Variants in SLC13A1 observed in about 807,000 individuals in gnomAD.
SLC13A1 encodes Na(+)/sulfate cotransporter.
SLC13A1 carries 65 observed loss-of-function variants against 70.0 expected under a neutral mutation model. The ratio of observed to expected loss-of-function variants is 0.93; its 90% CI spans 0.76 to 1.14. SLC13A1 has a LOEUF of 1.14. SLC13A1 is among the 50% of genes most tolerant of loss of function. SLC13A1 has a pLI of 0.00. For missense variants in SLC13A1, 726 were observed against 717.8 expected, an observed-to-expected ratio of 1.01 and a Z score of -0.13; for synonymous variants, 275 against 250.5, an observed-to-expected ratio of 1.10 and a Z score of -0.92.
chr7:123,171,639 G>A lies in SLC13A1; in HGVS notation c.365+129C>T, dbSNP rs1032449766. The A allele has an allele frequency of 5.1e-6, 5 of 973,636 alleles. No individual in the cohort carries two copies. In the South Asian group the frequency reaches 7.1e-5, roughly 14 times the overall value. 60.3% of individuals were successfully genotyped at this position (973,636 alleles called of 1,614,324 possible). On this transcript the variant is annotated intron_variant, in intron 3 of 14. Coordinates refer to ENST00000194130, the MANE Select transcript of SLC13A1 (RefSeq NM_022444.4). ...TTATATCACTTTCATATTTGCAGAG[G>A]AAAAAACGTCATAAGTCAGACTGTG... is the stretch of plus-strand genomic sequence containing the variant.
intron 12 of SLC13A1, 132 bp downstream of exon 12, chr7:123,122,994 C>G: frequency 2.9e-6 from 2 of 681,156 alleles, no homozygotes; most frequent in Non-Finnish European, 2.7e-6. Context: ...GGTATATTCA[C>G]TGCATAGCTA....
chr7:123,164,563 C>CAA (rs559113734), intron 6 of SLC13A1, among the ~76,000 whole-genome samples: 1,852 of 147,844 alleles, frequency 0.013, 25 homozygotes, highest in East Asian at 0.027. Context: ...TGCAGATTAC[C>CAA]AAAAAAAAAG....
intron 6 of SLC13A1, among the ~76,000 whole-genome samples, chr7:123,162,143 A>G (rs1215775478): frequency 6.6e-6 from 1 of 151,992 alleles, no homozygotes; most frequent in East Asian, 1.9e-4. Flanking sequence ...GGCTTATTGT[A>G]CAGTTAAAGT....
At chr7:123,190,830 G>GT (rs1004303310) in intron 1 of SLC13A1, among the ~76,000 whole-genome samples, 2 of 152,018 alleles carry the variant, frequency 1.3e-5, no homozygotes, top group Non-Finnish European at 2.9e-5. Flanking sequence ...GATTTTGTTT[G>GT]TTTTTTTAAT....
intron 1 of SLC13A1, among the ~76,000 whole-genome samples, chr7:123,189,698 T>C (rs1359986993): frequency 6.6e-6 from 1 of 152,084 alleles, no homozygotes; most frequent in Non-Finnish European, 1.5e-5. Flanking sequence ...TAATGTTTTG[T>C]AGATTTCTCC....
At chr7:123,185,596 G>A (rs1795772079) in intron 1 of SLC13A1, among the ~76,000 whole-genome samples, 1 of 152,038 alleles carries the variant, frequency 6.6e-6, no homozygotes. Flanking sequence ...GGCTGTAAAT[G>A]TAGAGAATTA....
At chr7:123,167,147 G>A (rs1428015804) in intron 6 of SLC13A1, among the ~76,000 whole-genome samples, 1 of 152,098 alleles carries the variant, frequency 6.6e-6, no homozygotes, top group Non-Finnish European at 1.5e-5. Context: ...GATTCCTCAG[G>A]GATCTAGAAC....
intron 1 of SLC13A1, among the ~76,000 whole-genome samples, chr7:123,199,397 C>CA (rs930329417): frequency 8.5e-5 from 13 of 152,064 alleles, no homozygotes; most frequent in Non-Finnish European, 1.3e-4. Flanking sequence ...AGTTCTGTGA[C>CA]AAAGCCACAG....
chr7:123,186,584 A>T, intron 1 of SLC13A1: 1 of 341,968 alleles, frequency 2.9e-6, no homozygotes. Flanking sequence ...CCACCATTAC[A>T]CACAATCACT....
intron 6 of SLC13A1, among the ~76,000 whole-genome samples, chr7:123,160,379 T>G (rs1794850715): frequency 6.6e-6 from 1 of 151,306 alleles, no homozygotes; most frequent in Non-Finnish European, 1.5e-5. Context: ...TGATAAAAGG[T>G]TAATCAATCA....
At chr7:123,123,495 C>T (rs1398137990) in intron 11 of SLC13A1, among the ~76,000 whole-genome samples, 3 of 152,056 alleles carry the variant, frequency 2.0e-5, no homozygotes. Flanking sequence ...ATAACATTGT[C>T]ACTTATAATG....
In SLC13A1 at chr7:123,148,368, A is replaced by T. The variant is rs758246963; in HGVS notation, c.661-1058T>A. 4.8e-4 allele frequency: 165 copies of T among 345,798 alleles called. No homozygotes were observed. The Middle Eastern group carries it at 6.9e-3, about 14-fold the overall frequency. 21.4% of individuals were successfully genotyped at this position (345,798 alleles called of 1,614,324 possible). Reference sequence around the variant, plus strand: ...TTTTATCTCATTTCCAACGATTTTCAGTTCTCCACCTCAGTCACCCCACCC... The same window carrying T: ...TTTTATCTCATTTCCAACGATTTTCTGTTCTCCACCTCAGTCACCCCACCC... On this transcript the variant is annotated intron_variant, in intron 6 of 14. Transcript: ENST00000194130.
At chr7:123,147,074 T>C in intron 7 of SLC13A1, 85 bp downstream of exon 7, 1 of 1,373,942 alleles carries the variant, frequency 7.3e-7, no homozygotes, top group Non-Finnish European at 9.9e-7. Context: ...TCTCTGTACT[T>C]GAATTCTCTG....
Position 123,114,333 on chromosome 7 carries a change from C to T in SLC13A1, c.*1185G>A, listed in dbSNP as rs975145873. ...GTGTATGTGATATTTTGCTACCTGT[C>T]TACAATGTGTAATTGTCACATCAGG... On this transcript the variant is annotated 3_prime_UTR_variant, in exon 15 of 15. Coordinates refer to ENST00000194130, the MANE Select transcript of SLC13A1 (RefSeq NM_022444.4). 2 of 152,032 alleles carry T rather than the reference C, an allele frequency of 1.3e-5. No homozygotes were observed. Among genetic ancestry groups the T allele is most frequent in the East Asian group, 3.9e-4 (2 of 5,192 alleles). 9.4% of individuals were successfully genotyped at this position (152,032 alleles called of 1,614,324 possible). A position where few individuals can be genotyped will look rare whatever the true frequency, so the allele number is the denominator to read the frequency against.
At chr7:123,174,418 G>T (rs1188910445) in intron 2 of SLC13A1, among the ~76,000 whole-genome samples, 1 of 151,986 alleles carries the variant, frequency 6.6e-6, no homozygotes, top group Non-Finnish European at 1.5e-5. Context: ...CTACTCAGTT[G>T]CCCAAGACAG....
chr7:123,188,060 A>G (rs938287367), intron 1 of SLC13A1, among the ~76,000 whole-genome samples: 2 of 152,146 alleles, frequency 1.3e-5, no homozygotes, highest in Non-Finnish European at 2.9e-5. Context: ...TTGAATTGTA[A>G]TCTCCATGCT....
intron 7 of SLC13A1, among the ~76,000 whole-genome samples, chr7:123,144,682 A>T (rs905211331): frequency 6.6e-6 from 1 of 152,146 alleles, no homozygotes; most frequent in African/African-American, 2.4e-5. Flanking sequence ...ACTTTAAAAC[A>T]ATTGTAGAAA....
chr7:123,142,638 CTTT>C (rs753775300), intron 7 of SLC13A1, among the ~76,000 whole-genome samples: 11 of 118,784 alleles, frequency 9.3e-5, no homozygotes, highest in African/African-American at 1.3e-4. Flanking sequence ...GGGGCAAGAA[CTTT>C]TTTTTTTTTT....
chr7:123,197,751 C>T (rs949287634), intron 1 of SLC13A1, among the ~76,000 whole-genome samples: 2 of 152,100 alleles, frequency 1.3e-5, no homozygotes, highest in African/African-American at 4.8e-5. Flanking sequence ...CTGCATGGAC[C>T]TAATGTTCTT....
Sources: gnomAD v4.1 joint callset for allele counts (sites outside exome capture counted in the v4.1 genomes callset) on GRCh38, gnomAD v4.1.1 for gene constraint, MANE v1.5 for transcripts, NCBI Gene and HGNC (gene_info 2026-07-23, HGNC 2026-07-21) for gene names.